The following CNTN3 variants were observed in gnomAD, a reference collection of about 807,000 sequenced individuals.
CNTN3 encodes contactin 3.
Under a neutral mutation model 119.1 loss-of-function variants are expected in CNTN3, and 60 were observed. The observed-to-expected ratio is 0.50, with a 90% CI of 0.41 to 0.62. The LOEUF (loss-of-function observed/expected upper bound fraction) is 0.62, where lower values mean the gene tolerates loss of function less well. CNTN3 is among the 20% of genes least tolerant of loss of function. The probability of loss-of-function intolerance (pLI) is 0.00; values close to 1 mark genes in which losing one functional copy is unlikely to be tolerated. For synonymous variants in CNTN3, 450 were observed against 438.7 expected (o/e 1.03, Z -0.32); for missense variants, 1,101 against 1,242.4 (o/e 0.89, Z 1.71).
intron 12 of CNTN3, among the ~76,000 whole-genome samples, chr3:74,335,948 A>G (rs1206417883): frequency 6.6e-6 from 1 of 151,966 alleles, no homozygotes; most frequent in African/African-American, 2.4e-5. Context: ...CTTGTTTACA[A>G]TTTTTGCCTT....
At chr3:74,368,506 T>C (rs1201886347) in intron 8 of CNTN3, among the ~76,000 whole-genome samples, 11 of 152,060 alleles carry the variant, frequency 7.2e-5, no homozygotes, top group Admixed American at 7.2e-4. Flanking sequence ...ATTATATATT[T>C]ATTCTAAGTC....
chr3:74,443,224 G>C (rs1371165380), intron 4 of CNTN3, among the ~76,000 whole-genome samples: 4 of 152,256 alleles, frequency 2.6e-5, no homozygotes, highest in Middle Eastern at 6.8e-3. Context: ...TCCAGAGCTT[G>C]ACAGTGGGAA....
intron 4 of CNTN3, among the ~76,000 whole-genome samples, chr3:74,449,314 GT>G (rs1490970470): frequency 6.6e-6 from 1 of 151,920 alleles, no homozygotes; most frequent in African/African-American, 2.4e-5. Context: ...TGAGTCTTAA[GT>G]AAATCATACC....
At chr3:74,456,873 A>T (rs1702279390) in intron 4 of CNTN3, among the ~76,000 whole-genome samples, 1 of 151,888 alleles carries the variant, frequency 6.6e-6, no homozygotes, top group Non-Finnish European at 1.5e-5. Flanking sequence ...CAAATTACTG[A>T]GATTACACTC....
chr3:74,430,096 C>A (rs904461086), intron 4 of CNTN3, among the ~76,000 whole-genome samples: 1 of 152,174 alleles, frequency 6.6e-6, no homozygotes, highest in African/African-American at 2.4e-5. Context: ...TCCTGTAAAA[C>A]GAACCACACG....
intron 1 of CNTN3, among the ~76,000 whole-genome samples, chr3:74,573,373 T>C (rs1276706486): frequency 6.6e-6 from 1 of 151,822 alleles, no homozygotes; most frequent in Admixed American, 6.6e-5. Context: ...GAAGAAAACA[T>C]AGGTATAAAT....
At chr3:74,292,891 C>T (rs1005256366) in intron 19 of CNTN3, among the ~76,000 whole-genome samples, 1 of 152,196 alleles carries the variant, frequency 6.6e-6, no homozygotes, top group African/African-American at 2.4e-5. Context: ...GTTGGCTCCC[C>T]ATCATCTTTC....
At chr3:74,609,747 G>A (rs1049858679) in intron 1 of CNTN3, among the ~76,000 whole-genome samples, 1 of 152,124 alleles carries the variant, frequency 6.6e-6, no homozygotes, top group East Asian at 1.9e-4. Context: ...AAGCTTAGTT[G>A]TCATAGGTTT....
Position 74,446,515 on chromosome 3 carries a change from G to T in CNTN3, c.359-21575C>A, listed in dbSNP as rs137959133. On this transcript the variant is annotated intron_variant, in intron 4 of 22. Coordinates refer to ENST00000263665, the MANE Select transcript of CNTN3 (RefSeq NM_020872.3). ...GCCACTAGCCACATGTGCCTACTAA[G>T]CCAGTGACATGTAGCAGTCTGGATT... is the stretch of plus-strand genomic sequence containing the variant. Among the ~76,000 whole-genome samples the T allele has an allele frequency of 2.1e-3, 312 of 152,180 alleles. 1 individual carries two copies. Among genetic ancestry groups the T allele is most frequent in the African/African-American group, 7.1e-3 (296 of 41,508 alleles).
chr3:74,608,753 A>G (rs56724233), intron 1 of CNTN3, among the ~76,000 whole-genome samples: 33,517 of 152,162 alleles, frequency 0.22, 3,835 homozygotes, highest in Middle Eastern at 0.3. Context: ...CTATCTTTCC[A>G]GAAATATTTA....
intron 22 of CNTN3, among the ~76,000 whole-genome samples, chr3:74,265,572 T>G: frequency 6.6e-6 from 1 of 152,188 alleles, no homozygotes; most frequent in East Asian, 1.9e-4. Context: ...AAGTAGTTCC[T>G]GTTTTCTTAG....
At chr3:74,427,467 G>C (rs1480968459) in intron 4 of CNTN3, among the ~76,000 whole-genome samples, 1 of 152,078 alleles carries the variant, frequency 6.6e-6, no homozygotes, top group East Asian at 1.9e-4. Flanking sequence ...TGCAACACTA[G>C]GAACTATGAG....
chr3:74,319,068 A>G (rs1207110372), intron 13 of CNTN3, among the ~76,000 whole-genome samples: 3 of 152,234 alleles, frequency 2.0e-5, no homozygotes, highest in African/African-American at 7.2e-5. Flanking sequence ...AAGAATCAAT[A>G]TCGTTTAAAT....
chr3:74,603,579 T>C (rs1326408494), intron 1 of CNTN3, among the ~76,000 whole-genome samples: 1 of 152,170 alleles, frequency 6.6e-6, no homozygotes, highest in Non-Finnish European at 1.5e-5. Context: ...CTGTTACATT[T>C]ATACAACAAC....
intron 1 of CNTN3, among the ~76,000 whole-genome samples, chr3:74,577,189 T>C (rs1704431982): frequency 6.6e-6 from 1 of 152,214 alleles, no homozygotes; most frequent in Non-Finnish European, 1.5e-5. Context: ...ATGCCAAAGA[T>C]GTTTTAGATG....
At chr3:74,288,407 C>T (rs1702159954) in intron 19 of CNTN3, among the ~76,000 whole-genome samples, 1 of 152,100 alleles carries the variant, frequency 6.6e-6, no homozygotes, top group Admixed American at 6.5e-5. Flanking sequence ...GATCCACCCT[C>T]CTCGGCCTCC....
chr3:74,358,001 G>T (rs1214650414), intron 11 of CNTN3, among the ~76,000 whole-genome samples: 2 of 152,116 alleles, frequency 1.3e-5, no homozygotes, highest in East Asian at 1.9e-4. Context: ...AAGAGGGATG[G>T]ATATGGGGCT....
rs780702773 is a variant in CNTN3 at position 74,429,453 on chromosome 3, C to T, written c.359-4513G>A. ...AATGGAAGGAGAGAAAAAAAAAAAT[C>T]GACCTAAACTTTACTCAGTTTAAAA... On this transcript the variant is annotated intron_variant, in intron 4 of 22. Transcript: ENST00000263665. Among the ~76,000 whole-genome samples, 130 of 150,924 alleles carry T rather than the reference C, an allele frequency of 8.6e-4. 1 individual carries two copies. Among genetic ancestry groups the T allele is most frequent in the Non-Finnish European group, 3.4e-4 (23 of 67,738 alleles).
At chr3:74,273,971 G>T (rs1293287341) in intron 20 of CNTN3, among the ~76,000 whole-genome samples, 1 of 152,080 alleles carries the variant, frequency 6.6e-6, no homozygotes, top group Non-Finnish European at 1.5e-5. Flanking sequence ...GTCAGTGGGG[G>T]CACAGTGGGA....
Sources: allele counts gnomAD v4.1 joint callset (sites outside exome capture counted in the v4.1 genomes callset), GRCh38; gene constraint gnomAD v4.1.1; transcripts MANE v1.5; gene names NCBI Gene and HGNC (gene_info 2026-07-23, HGNC 2026-07-21).